SORCS1: variants seen among roughly 807,000 people sequenced by gnomAD.
The protein encoded by SORCS1 is VPS10 domain-containing receptor SorCS1.
A neutral mutation model predicts 146.1 loss-of-function variants in SORCS1; 60 were observed. The ratio of observed to expected loss-of-function variants is 0.41; its 90% CI spans 0.33 to 0.51. The LOEUF (loss-of-function observed/expected upper bound fraction) is 0.51. SORCS1 is among the 20% of genes least tolerant of loss of function. SORCS1 has a pLI of 0.21. For missense variants in SORCS1, 1,352 were observed against 1,487.6 expected (o/e 0.91, Z 1.50); for synonymous variants, 637 against 584.0 (o/e 1.09, Z -1.31).
intron 24 of SORCS1, among the ~76,000 whole-genome samples, chr10:106,583,894 C>A (rs570300671): frequency 6.6e-6 from 1 of 152,106 alleles, no homozygotes; most frequent in Non-Finnish European, 1.5e-5. Flanking sequence ...TGAAGCCATG[C>A]AGAACAATCT....
intron 6 of SORCS1, among the ~76,000 whole-genome samples, chr10:106,721,451 G>C (rs78764476): frequency 8.9e-5 from 1 of 11,234 alleles, no homozygotes; most frequent in East Asian, 3.0e-3. Flanking sequence ...AAAGTTCACT[G>C]AAGAAGAAAT....
At chr10:106,932,909 T>G (rs1953491004) in intron 2 of SORCS1, among the ~76,000 whole-genome samples, 1 of 152,198 alleles carries the variant, frequency 6.6e-6, no homozygotes, top group Non-Finnish European at 1.5e-5. Context: ...GAAACCAATC[T>G]GAGACCCGGG....
At chr10:107,010,121 C>G (rs901287025) in intron 1 of SORCS1, among the ~76,000 whole-genome samples, 1 of 152,200 alleles carries the variant, frequency 6.6e-6, no homozygotes, top group Admixed American at 6.5e-5. Context: ...TCCACAACAC[C>G]TGTTTTCAAA....
At chr10:106,729,957 C>T in intron 6 of SORCS1, 93 bp downstream of exon 6, 1 of 1,447,912 alleles carries the variant, frequency 6.9e-7, no homozygotes, top group Non-Finnish European at 9.7e-7. Flanking sequence ...TATTACTCTG[C>T]ATACACCATG....
In SORCS1 at chr10:107,163,975, G is replaced by C. The variant is rs1358725612; in HGVS notation, c.552C>G (p.Asn184Lys). Residue 184 changes from asparagine to lysine, a missense_variant, in exon 1 of 26, where the codon AAC (asparagine) becomes AAG (lysine). This residue lies in a region of SORCS1 where 490 missense variants were observed against 489.1 expected (regional missense o/e 1.00). Transcript: ENST00000263054. ...NQAMVHWSGH[N>K]SSVILILTKL... Reference sequence around the variant, plus strand: ...TCAGTCCCATTCTACTCACGCTGCTGTTGTGGCCAGACCAGTGGACCATGG... The same window carrying C: ...TCAGTCCCATTCTACTCACGCTGCTCTTGTGGCCAGACCAGTGGACCATGG... The C allele has an allele frequency of 6.2e-7, 1 of 1,612,714 alleles. No homozygotes were observed. The highest frequency in any genetic ancestry group is 1.7e-5 in the Admixed American group (1 of 59,986).
intron 1 of SORCS1, among the ~76,000 whole-genome samples, chr10:107,108,845 G>A (rs1709636062): frequency 6.6e-6 from 1 of 152,192 alleles, no homozygotes; most frequent in Admixed American, 6.5e-5. Flanking sequence ...AAGATTCAAT[G>A]AGTGTATAGG....
intron 5 of SORCS1, among the ~76,000 whole-genome samples, chr10:106,740,034 G>A (rs368854366): frequency 1.3e-5 from 2 of 151,604 alleles, no homozygotes; most frequent in South Asian, 2.1e-4. Context: ...TATTCTATAA[G>A]AGAATTCCAG....
At chr10:107,078,828 C>T (rs1963098577) in intron 1 of SORCS1, among the ~76,000 whole-genome samples, 2 of 152,226 alleles carry the variant, frequency 1.3e-5, no homozygotes, top group Non-Finnish European at 2.9e-5. Flanking sequence ...AAAGTACTCT[C>T]TGCAACTAGC....
chr10:106,611,154 G>A (rs1284902710), intron 22 of SORCS1, among the ~76,000 whole-genome samples: 1 of 151,960 alleles, frequency 6.6e-6, no homozygotes, highest in Admixed American at 6.6e-5. Context: ...AATTGCCAGT[G>A]ACATTTGCTC....
chr10:107,128,336 C>T (rs767732419), intron 1 of SORCS1, among the ~76,000 whole-genome samples: 1 of 152,150 alleles, frequency 6.6e-6, no homozygotes, highest in Non-Finnish European at 1.5e-5. Context: ...CATGATGTCC[C>T]ATCTTGCTCT....
At chr10:106,957,757 C>T (rs751077433) in intron 1 of SORCS1, among the ~76,000 whole-genome samples, 3 of 152,132 alleles carry the variant, frequency 2.0e-5, no homozygotes, top group African/African-American at 4.8e-5. Context: ...AAGCTATATT[C>T]GCTCCACAGC....
intron 3 of SORCS1, among the ~76,000 whole-genome samples, chr10:106,815,773 T>C (rs183015311): frequency 3.5e-4 from 53 of 152,286 alleles, no homozygotes; most frequent in Non-Finnish European, 2.4e-4. Context: ...AAGGGAAATA[T>C]AACTGCAGAA....
chr10:107,088,215 TTTG>T (rs1418716155), intron 1 of SORCS1, among the ~76,000 whole-genome samples: 9 of 151,958 alleles, frequency 5.9e-5, no homozygotes, highest in African/African-American at 1.5e-4. Context: ...AAGGCTTGAT[TTTG>T]TTGTTGTTGT....
rs11461091 is a variant in SORCS1 at position 106,960,411 on chromosome 10, C to CT, written c.559-3832dup. On this transcript the variant is annotated intron_variant, in intron 1 of 25. Coordinates refer to ENST00000263054, the MANE Select transcript of SORCS1 (RefSeq NM_052918.5). This position sits in a 1 kb window ranked among gnomAD's most constrained non-coding sequence, Gnocchi z 4.4. ...CCATACGTTTTCTCTTTTTCTTTTT[C>CT]TTTTTTTTTTTTGAGATGGAATCTC... Among the ~76,000 whole-genome samples the CT allele has an allele frequency of 0.061, 8,837 of 145,396 alleles. 678 individuals are homozygous for CT. Among genetic ancestry groups the CT allele is most frequent in the African/African-American group, 0.17 (6,780 of 39,850 alleles).
chr10:106,842,953 T>C (rs1949117499), intron 2 of SORCS1, among the ~76,000 whole-genome samples: 1 of 152,192 alleles, frequency 6.6e-6, no homozygotes, highest in Non-Finnish European at 1.5e-5. Context: ...TGTGTGTGTA[T>C]GTATTTCCCC....
At chr10:106,684,507 A>C (rs1852678354) in intron 10 of SORCS1, among the ~76,000 whole-genome samples, 1 of 152,220 alleles carries the variant, frequency 6.6e-6, no homozygotes, top group African/African-American at 2.4e-5. Context: ...CAGGTGGACC[A>C]TGACCTGTAA....
intron 1 of SORCS1, among the ~76,000 whole-genome samples, chr10:107,017,137 A>T (rs1957931416): frequency 6.6e-6 from 1 of 152,200 alleles, no homozygotes; most frequent in Admixed American, 6.5e-5. Context: ...ATAACCCAGA[A>T]ATTCCACTTC....
In SORCS1 at chr10:106,677,326, T is replaced by C. The variant is rs1307419666; in HGVS notation, c.1819A>G (p.Ile607Val). The C allele has an allele frequency of 9.9e-6, 16 of 1,613,772 alleles. No homozygotes were observed. The highest frequency in any genetic ancestry group is 2.2e-5 in the East Asian group (1 of 44,882). The change falls in exon 13 of 26, where the codon ATT becomes GTT. Residue 607 changes from isoleucine (I) to valine (V), a missense_variant. By Grantham distance (29) the Ile-to-Val change is conservative (BLOSUM62 3). Transcript: ENST00000263054. ...LVAMKHTSLP[I>V]RHLWLSFDEG... Reference sequence around the variant, plus strand: ...ATGTGCCCTTACCAAAGATGTCGAATTGGGAGAGATGTGTGTTTCATAGCA... The same window carrying C: ...ATGTGCCCTTACCAAAGATGTCGAACTGGGAGAGATGTGTGTTTCATAGCA...
intron 2 of SORCS1, among the ~76,000 whole-genome samples, chr10:106,936,730 A>G (rs555595404): frequency 2.6e-5 from 4 of 152,340 alleles, no homozygotes; most frequent in South Asian, 2.1e-4. Context: ...GAAAAGTTGT[A>G]TCTTCATTCC....
Sources: gnomAD v4.1 joint callset for allele counts (sites outside exome capture counted in the v4.1 genomes callset) on GRCh38, gnomAD v4.1.1 for gene constraint, gnomAD v4.1.1 regional missense constraint, Gnocchi (gnomAD v3.1) non-coding constraint, MANE v1.5 for transcripts, NCBI Gene and HGNC (gene_info 2026-07-23, HGNC 2026-07-21) for gene names.